MTM1: variants seen among roughly 807,000 people sequenced by gnomAD.
The protein encoded by MTM1 is myotubularin.
Under a neutral mutation model 52.1 loss-of-function variants are expected in MTM1, and 9 were observed. The ratio of observed to expected loss-of-function variants is 0.17; its 90% CI spans 0.10 to 0.30. The LOEUF is 0.30. MTM1 is among the 10% of genes least tolerant of loss of function. MTM1 has a pLI of 1.00. For synonymous variants in MTM1, 136 were observed against 163.8 expected, an observed-to-expected ratio of 0.83 and a Z score of 1.29; for missense variants, 277 against 470.7, an observed-to-expected ratio of 0.59 and a Z score of 3.81.
chrX:150,619,380 G>C (rs185084379), intron 6 of MTM1, among the ~76,000 whole-genome samples: 4 of 112,108 alleles, frequency 3.6e-5, no homozygotes, highest in African/African-American at 1.3e-4. Context: ...AATTGTAAAT[G>C]GGAACAAACT....
At chrX:150,604,663 C>T (rs951981297) in intron 4 of MTM1, among the ~76,000 whole-genome samples, 1 of 111,057 alleles carries the variant, frequency 9.0e-6, no homozygotes, top group Non-Finnish European at 1.9e-5. Flanking sequence ...GTCACGTTGC[C>T]CTACCCTCAT....
At chrX:150,616,662 G>A (rs1005712092) in intron 5 of MTM1, among the ~76,000 whole-genome samples, 1 of 111,251 alleles carries the variant, frequency 9.0e-6, no homozygotes, top group African/African-American at 3.3e-5. Flanking sequence ...AACCCCTGGT[G>A]CCTGTGTGGA....
At position 150,614,653 on chromosome X, in the gene MTM1, C is replaced by T. The variant is rs145204414; in HGVS notation, c.296C>T (p.Ala99Val). The T allele has an allele frequency of 1.0e-5, 12 of 1,195,996 alleles. No homozygotes were observed. The highest frequency in any genetic ancestry group is 5.3e-5 in the South Asian group (3 of 56,140). ...VISRIEKMGGATSRGENSYGL... is the reference protein window; with the variant it reads ...VISRIEKMGGVTSRGENSYGL... ...TCGAGAATTGAAAAAATGGGAGGCGCGACAAGTAGAGGAGAAAATTCCTAT... is the reference window on the plus strand; with the variant it reads ...TCGAGAATTGAAAAAATGGGAGGCGTGACAAGTAGAGGAGAAAATTCCTAT... The change falls in exon 5 of 15, where the codon GCG (alanine) becomes GTG (valine). Residue 99 changes from alanine to valine, a missense_variant. Coordinates refer to ENST00000370396, the MANE Select transcript of MTM1 (RefSeq NM_000252.3).
At chrX:150,601,330 C>T (rs992465711) in intron 4 of MTM1, among the ~76,000 whole-genome samples, 9 of 111,785 alleles carry the variant, frequency 8.1e-5, no homozygotes, top group Non-Finnish European at 3.8e-5. Context: ...TAAAGAATGC[C>T]ATTTAAATGG....
At chrX:150,578,843 T>G (rs1306156359) in intron 1 of MTM1, among the ~76,000 whole-genome samples, 4 of 109,712 alleles carry the variant, frequency 3.6e-5, no homozygotes, top group Non-Finnish European at 5.7e-5. Flanking sequence ...TTTTTTTCTT[T>G]TCAAGATTGT....
At chrX:150,581,150 G>A (rs966787209) in intron 1 of MTM1, among the ~76,000 whole-genome samples, 3 of 111,884 alleles carry the variant, frequency 2.7e-5, no homozygotes, top group East Asian at 2.8e-4. Flanking sequence ...AATGGGCACC[G>A]GTGCTGTATG....
intron 1 of MTM1, among the ~76,000 whole-genome samples, chrX:150,583,625 AT>A (rs2038690648): frequency 2.8e-5 from 1 of 35,410 alleles, no homozygotes; most frequent in African/African-American, 1.3e-4. Flanking sequence ...TATATTATAT[AT>A]AATTTATATA....
At chrX:150,650,750 C>A (rs142519385) in intron 10 of MTM1, among the ~76,000 whole-genome samples, 43 of 111,339 alleles carry the variant, frequency 3.9e-4, no homozygotes, top group African/African-American at 1.2e-3. Context: ...GTTTTCTCTT[C>A]CTTCCCTCTC....
chrX:150,620,832 G>C (rs1369585784), intron 6 of MTM1, among the ~76,000 whole-genome samples: 3 of 111,343 alleles, frequency 2.7e-5, no homozygotes, highest in Non-Finnish European at 5.7e-5. Flanking sequence ...AGAATCATGA[G>C]CTCATCTGGC....
intron 4 of MTM1, among the ~76,000 whole-genome samples, chrX:150,613,550 A>G (rs1424759234): frequency 8.9e-6 from 1 of 112,191 alleles, no homozygotes; most frequent in Non-Finnish European, 1.9e-5. Context: ...AAAGAGTAGG[A>G]CAATTTTTAT....
chrX:150,606,833 T>TCTTCCCTTC (rs1271933136), intron 4 of MTM1, among the ~76,000 whole-genome samples: 1 of 91,309 alleles, frequency 1.1e-5, no homozygotes. Flanking sequence ...CTCTTCCCTT[T>TCTTCCCTTC]CTTCCCTTCC....
At chrX:150,618,756 A>G (rs782070026) in intron 5 of MTM1, among the ~76,000 whole-genome samples, 24 of 110,519 alleles carry the variant, frequency 2.2e-4, no homozygotes, top group Non-Finnish European at 3.8e-4. Context: ...GCAAGGTTTG[A>G]TTTTTTTTTC....
intron 1 of MTM1, among the ~76,000 whole-genome samples, chrX:150,592,209 G>A (rs111847059): frequency 2.1e-3 from 237 of 111,729 alleles, no homozygotes; most frequent in African/African-American, 7.3e-3. Flanking sequence ...CATTCTGCTC[G>A]GCTGCCTCTA....
At chrX:150,592,548 A>C (rs1221689103) in intron 1 of MTM1, 57 bp from the exon 2 acceptor site, 1 of 908,425 alleles carries the variant, frequency 1.1e-6, no homozygotes, top group African/African-American at 1.9e-5. Flanking sequence ...CAGATGTCAC[A>C]TATGTTTGAA....
At position 150,669,069 on chromosome X, in the gene MTM1, C is replaced by T. The variant is rs187500652; in HGVS notation, c.1645-2359C>T. 1.4e-4 allele frequency among the ~76,000 whole-genome samples: 15 copies of T among 110,709 alleles called. No homozygotes were observed. In the East Asian group the frequency reaches 4.0e-3, roughly 29 times the overall value. ...CAACAGGCCCTGGTGTGTGTGTTCC[C>T]CTCTCTGTGTCCATGTGTTCTCAAT... On this transcript the variant is annotated intron_variant, in intron 14 of 14. Coordinates refer to ENST00000370396, the MANE Select transcript of MTM1 (RefSeq NM_000252.3).
chrX:150,610,096 A>G (rs1557412941), intron 4 of MTM1, among the ~76,000 whole-genome samples: 3 of 111,759 alleles, frequency 2.7e-5, no homozygotes, highest in South Asian at 3.8e-4. Context: ...TCAAATGCCA[A>G]TCTCCAGTTG....
intron 4 of MTM1, among the ~76,000 whole-genome samples, chrX:150,604,905 T>G (rs1239493788): frequency 9.0e-6 from 1 of 110,992 alleles, no homozygotes; most frequent in Non-Finnish European, 1.9e-5. Flanking sequence ...CTCCCCTCCC[T>G]TGTGTATACA....
intron 4 of MTM1, among the ~76,000 whole-genome samples, chrX:150,606,538 T>TGAAA (rs2039160555): frequency 1.8e-5 from 2 of 111,906 alleles, no homozygotes; most frequent in South Asian, 7.5e-4. Flanking sequence ...TCATGCTCTT[T>TGAAA]GGCTAACCTC....
At chrX:150,633,137 A>C (rs782443391) in intron 6 of MTM1, among the ~76,000 whole-genome samples, 1 of 112,142 alleles carries the variant, frequency 8.9e-6, no homozygotes, top group East Asian at 2.8e-4. Flanking sequence ...CTTTTTTCCA[A>C]AATAGTTTCA....
Sources: allele counts gnomAD v4.1 joint callset (sites outside exome capture counted in the v4.1 genomes callset), GRCh38; gene constraint gnomAD v4.1.1; transcripts MANE v1.5; gene names NCBI Gene and HGNC (gene_info 2026-07-23, HGNC 2026-07-21).